Variants in PNPLA7 observed in about 807,000 individuals in gnomAD.
PNPLA7 encodes patatin like domain 7, lysophospholipase, also known as patatin-like phospholipase domain-containing protein 7.
A neutral mutation model predicts 161.7 loss-of-function variants in PNPLA7; 153 were observed. The observed-to-expected ratio is 0.95, with a 90% CI of 0.83 to 1.08. PNPLA7 has a LOEUF of 1.08. Ranked by LOEUF, PNPLA7 falls within the 50% of genes least tolerant of loss-of-function variation. The pLI is 0.00. For synonymous variants in PNPLA7, 809 were observed against 782.1 expected (o/e 1.03, Z -0.57); for missense variants, 1,739 against 1,856.6 (o/e 0.94, Z 1.16).
rs889909089 is a variant in PNPLA7, at chr9:137,500,199, G to A, written c.1757+492C>T. 5.9e-5 allele frequency among the ~76,000 whole-genome samples: 9 copies of A among 152,254 alleles called. No individual in the cohort carries two copies. The highest frequency in any genetic ancestry group is 1.9e-4 in the African/African-American group (8 of 41,466). ...ACGGGCACATTCTGCCCCAAGAAGG[G>A]ACACACGTCAGTGGGGCTCCTCCCC... On this transcript the variant is annotated intron_variant, in intron 16 of 34. Transcript: ENST00000406427. This position sits in a 1 kb window ranked among gnomAD's most constrained non-coding sequence, Gnocchi z 5.5.
Position 137,515,444 on chromosome 9 carries a change from C to A in PNPLA7, c.1160G>T (p.Arg387Leu). ...CTCCAGCTCCTCCAAGATCTGTTTG[C>A]GAATGGAAGGCGCGGGGACGGAGTG... ...RSHSVPAPSI[R>L]KQILEELEKP... Residue 387 changes from arginine to leucine, a missense_variant, in exon 12 of 35, where the codon CGC becomes CTC. Physicochemically the swap from Arg to Leu is moderately radical, Grantham distance 102. Transcript: ENST00000406427. The A allele has an allele frequency of 1.9e-6, 3 of 1,600,264 alleles. No homozygotes were observed. The highest frequency in any genetic ancestry group is 2.6e-6 in the Non-Finnish European group (3 of 1,174,698).
At chr9:137,548,425 G>C (rs2132673975) in intron 1 of PNPLA7, among the ~76,000 whole-genome samples, 1 of 152,314 alleles carries the variant, frequency 6.6e-6, no homozygotes, top group South Asian at 2.1e-4. Context: ...CCGCCTCACT[G>C]CAGAGAGCAG....
At position 137,515,393 on chromosome 9, in the gene PNPLA7, G is replaced by A; in HGVS notation, c.1211C>T (p.Pro404Leu). 4 of 1,604,572 alleles carry A rather than the reference G, an allele frequency of 2.5e-6. No homozygotes were observed. In the South Asian group the frequency reaches 4.5e-5, roughly 18 times the overall value. ...AGGTTCTTTACCTTGTGGGGCCGAA[G>A]GGTCAGGGTCACCTGCCCCGGGCTT... is the stretch of plus-strand genomic sequence containing the variant. The part of the protein sequence containing the change: ...LEKPGAGDPD[P>L]SAPQGGPGSA... Residue 404 changes from proline (P) to leucine (L), a missense_variant, in exon 12 of 35, where the codon CCT (proline) becomes CTT (leucine). Physicochemically the swap from Pro to Leu is moderately conservative, Grantham distance 98 (BLOSUM62 -3). Around this residue, in one of 6 missense-constraint regions of PNPLA7, gnomAD observed 481 missense variants for 450.0 expected, o/e 1.07. Transcript: ENST00000406427.
At chr9:137,465,933 T>G (rs1026386972) in intron 26 of PNPLA7, among the ~76,000 whole-genome samples, 2 of 152,172 alleles carry the variant, frequency 1.3e-5, no homozygotes, top group Middle Eastern at 3.2e-3. Context: ...CTGTTCTCAC[T>G]GTTGTCTTTG....
intron 30 of PNPLA7, 92 bp from the exon 31 acceptor site, chr9:137,462,423 C>T: frequency 6.6e-7 from 1 of 1,509,596 alleles, no homozygotes; most frequent in South Asian, 1.3e-5. Flanking sequence ...GGGGACCCAT[C>T]CTCTGGGGTA....
chr9:137,504,245 C>T (rs575354769), intron 14 of PNPLA7, among the ~76,000 whole-genome samples: 1 of 152,096 alleles, frequency 6.6e-6, no homozygotes, highest in South Asian at 2.1e-4. Context: ...GAGTTTCACT[C>T]TTGTTGCCCA....
At chr9:137,503,951 AGAAGAAG>A (rs747498846) in intron 14 of PNPLA7, among the ~76,000 whole-genome samples, 6,006 of 113,240 alleles carry the variant, frequency 0.053, 176 homozygotes, top group Middle Eastern at 0.094. Context: ...GGAAGAATGA[AGAAGAAG>A]GAAGAAGGAA....
At chr9:137,461,893 T>G in intron 32 of PNPLA7, 38 bp downstream of exon 32, 1 of 1,463,038 alleles carries the variant, frequency 6.8e-7, no homozygotes, top group Non-Finnish European at 9.2e-7. Flanking sequence ...CTGGGCGCGG[T>G]CCGGGGAGCT....
At chr9:137,513,706 C>T (rs924313118) in intron 12 of PNPLA7, among the ~76,000 whole-genome samples, 6 of 152,000 alleles carry the variant, frequency 3.9e-5, no homozygotes, top group African/African-American at 1.5e-4. Flanking sequence ...ACAACTGAAA[C>T]TAATGAGACA....
In PNPLA7 at chr9:137,464,124, A is replaced by C. The variant is rs1299921441; in HGVS notation, c.3226+2T>G. 1 of 1,613,100 alleles carries C rather than the reference A, an allele frequency of 6.2e-7. No individual in the cohort carries two copies. The highest frequency in any genetic ancestry group is 8.5e-7 in the Non-Finnish European group (1 of 1,179,800). On this transcript the variant is annotated splice_donor_variant, in intron 28 of 34. Transcript: ENST00000406427. LOFTEE classifies it high-confidence loss of function. Reference sequence around the variant, plus strand: ...GCCGCCCTGCGCAGCAGGAGTGCTCACCGTCGGTGTGGACCCGCATGGCCG... The same window carrying C: ...GCCGCCCTGCGCAGCAGGAGTGCTCCCCGTCGGTGTGGACCCGCATGGCCG...
chr9:137,482,103 T>C (rs1280126364), intron 21 of PNPLA7, among the ~76,000 whole-genome samples: 3 of 152,238 alleles, frequency 2.0e-5, no homozygotes, highest in Non-Finnish European at 2.9e-5. Context: ...GCTGGTGCGA[T>C]GTGCAGCAGC....
In PNPLA7 at chr9:137,490,154, C is replaced by T. The variant is rs929658756; in HGVS notation, c.2197+2859G>A. ...TGTTGACCAGGCTGGACTGCGGTGG[C>T]GCGATCATAGCTCACTGTAACCTCG... On this transcript the variant is annotated intron_variant, in intron 20 of 34. Transcript: ENST00000406427. This position sits in a 1 kb window ranked among gnomAD's most constrained non-coding sequence, Gnocchi z 4.1. Among the ~76,000 whole-genome samples, 8 of 152,158 alleles carry T rather than the reference C, an allele frequency of 5.3e-5. No homozygotes were observed. The highest frequency in any genetic ancestry group is 1.2e-4 in the African/African-American group (5 of 41,432).
chr9:137,464,101 C>T (rs563914598), intron 28 of PNPLA7, 25 bp downstream of exon 28: 118 of 1,610,690 alleles, frequency 7.3e-5, no homozygotes, highest in Non-Finnish European at 9.2e-5. Flanking sequence ...CCCAAGCGGC[C>T]GCCCTGCGCA....
chr9:137,522,674 GCCC>G, intron 9 of PNPLA7, 52 bp downstream of exon 9: 1 of 1,595,532 alleles, frequency 6.3e-7, no homozygotes, highest in Non-Finnish European at 8.6e-7. Context: ...CAGTGCCCAG[GCCC>G]CCCCAGGGTG....
intron 24 of PNPLA7, chr9:137,478,410 G>A: frequency 2.8e-6 from 1 of 352,424 alleles, no homozygotes; most frequent in Non-Finnish European, 5.1e-6. Flanking sequence ...CGGGTGGGGG[G>A]CCAGAGAGTG....
In PNPLA7 at chr9:137,547,047, C is replaced by A; in HGVS notation, c.194-138G>T. 1.2e-6 allele frequency: 1 copy of A among 827,038 alleles called. No individual in the cohort carries two copies. Among genetic ancestry groups the A allele is most frequent in the South Asian group, 1.6e-5 (1 of 61,994 alleles). 51.2% of individuals were successfully genotyped at this position (827,038 alleles called of 1,614,324 possible). A position where few individuals can be genotyped will look rare whatever the true frequency, so the allele number is the denominator to read the frequency against. On this transcript the variant is annotated intron_variant, in intron 3 of 34. Transcript: ENST00000406427. The surrounding 1 kb of genome is among the most constrained non-coding windows in gnomAD (Gnocchi z 4.6). The stretch of plus-strand genomic sequence containing the variant: ...ACTCAGACAGCATGAGGGAAGAGGG[C>A]CTGAGTGACAGGCTCATCTCCAACA...
chr9:137,517,949 C>T (rs1222873337), intron 11 of PNPLA7, among the ~76,000 whole-genome samples: 1 of 96,360 alleles, frequency 1.0e-5, no homozygotes, highest in Admixed American at 9.5e-5. Context: ...TCCATCCCCA[C>T]TCACTCACTC....
rs151097706 is a variant in PNPLA7, at chr9:137,481,007, C to A, written c.2364G>T (p.Leu788=). 5.9e-4 allele frequency: 909 copies of A among 1,551,578 alleles called. 1 individual carries two copies. The highest frequency in any genetic ancestry group is 7.8e-4 in the Non-Finnish European group (893 of 1,146,974). Residue 788 remains leucine (L), a synonymous_variant, in exon 22 of 35, where the codon CTG becomes CTT. Coordinates refer to ENST00000406427, the MANE Select transcript of PNPLA7 (RefSeq NM_001098537.3). ...ALSAIGPTLL[L]TSDNIKRRLG... ...GGCGCCGTTTTATGTTGTCACTAGTCAGCAGCAGGGTCGGGCCTGAAAACA... is the reference window on the plus strand; with the variant it reads ...GGCGCCGTTTTATGTTGTCACTAGTAAGCAGCAGGGTCGGGCCTGAAAACA...
Position 137,464,119 on chromosome 9 carries a change from T to G in PNPLA7, c.3226+7A>C, listed in dbSNP as rs200833570. 1 of 1,612,780 alleles carries G rather than the reference T, an allele frequency of 6.2e-7. No individual in the cohort carries two copies. The highest frequency in any genetic ancestry group is 8.5e-7 in the Non-Finnish European group (1 of 1,179,712). ...AAGCGGCCGCCCTGCGCAGCAGGAGTGCTCACCGTCGGTGTGGACCCGCAT... is the reference window on the plus strand; with the variant it reads ...AAGCGGCCGCCCTGCGCAGCAGGAGGGCTCACCGTCGGTGTGGACCCGCAT... On this transcript the variant is annotated splice_region_variant and intron_variant, in intron 28 of 34. Coordinates refer to ENST00000406427, the MANE Select transcript of PNPLA7 (RefSeq NM_001098537.3).
Sources: allele counts gnomAD v4.1 joint callset (sites outside exome capture counted in the v4.1 genomes callset), GRCh38; gene constraint gnomAD v4.1.1; regional missense constraint gnomAD v4.1.1; non-coding constraint Gnocchi (gnomAD v3.1); transcripts MANE v1.5; gene names NCBI Gene and HGNC (gene_info 2026-07-23, HGNC 2026-07-21).